Variants in ADD2 observed in about 807,000 individuals in gnomAD.
ADD2 encodes the protein beta-adducin.
Under a neutral mutation model 83.0 loss-of-function variants are expected in ADD2, and 23 were observed. The observed-to-expected ratio is 0.28, with a 90% confidence interval of 0.20 to 0.39. ADD2 has a LOEUF of 0.39. ADD2 is among the 10% of genes least tolerant of loss of function. The probability of loss-of-function intolerance (pLI) is 1.00; values close to 1 mark genes in which losing one functional copy is unlikely to be tolerated. For missense variants in ADD2, 758 were observed against 944.9 expected, an observed-to-expected ratio of 0.80 and a Z score of 2.59; for synonymous variants, 375 against 375.4, an observed-to-expected ratio of 1.00 and a Z score of 0.01.
intron 1 of ADD2, among the ~76,000 whole-genome samples, chr2:70,754,254 T>C (rs1198082437): frequency 6.6e-6 from 1 of 152,156 alleles, no homozygotes; most frequent in Non-Finnish European, 1.5e-5. Context: ...CCTTCCTGCT[T>C]GGAAACCAAT....
chr2:70,672,078 CT>C (rs1456160565), intron 15 of ADD2, among the ~76,000 whole-genome samples: 1 of 152,142 alleles, frequency 6.6e-6, no homozygotes, highest in Non-Finnish European at 1.5e-5. Flanking sequence ...TGCTTTTACT[CT>C]TTCAAAGTAT....
At chr2:70,755,258 G>A (rs1218743202) in intron 1 of ADD2, among the ~76,000 whole-genome samples, 2 of 151,956 alleles carry the variant, frequency 1.3e-5, no homozygotes, top group South Asian at 2.1e-4. Flanking sequence ...CTCCACTCTC[G>A]GCCAATGATG....
At chr2:70,736,145 G>A (rs148596941) in intron 1 of ADD2, among the ~76,000 whole-genome samples, 2,373 of 152,190 alleles carry the variant, frequency 0.016, 21 homozygotes, top group Middle Eastern at 0.061. Context: ...CAGAAAGGCT[G>A]AGAACAATCA....
chr2:70,755,180 G>C (rs901155396), intron 1 of ADD2, among the ~76,000 whole-genome samples: 1 of 152,068 alleles, frequency 6.6e-6, no homozygotes, highest in Non-Finnish European at 1.5e-5. Context: ...CCCTTCTCTC[G>C]AAGTACAGAC....
intron 1 of ADD2, among the ~76,000 whole-genome samples, chr2:70,715,382 G>A (rs1163378267): frequency 3.9e-5 from 6 of 152,172 alleles, no homozygotes; most frequent in East Asian, 3.8e-4. Context: ...TAGCACATGC[G>A]TTGAGAACCT....
At chr2:70,753,437 G>C (rs782600337) in intron 1 of ADD2, among the ~76,000 whole-genome samples, 3 of 152,150 alleles carry the variant, frequency 2.0e-5, no homozygotes, top group African/African-American at 4.8e-5. Context: ...AAGGAAGAAA[G>C]AGGTTGATGA....
At chr2:70,691,287 G>A (rs1054243891) in intron 7 of ADD2, among the ~76,000 whole-genome samples, 1 of 152,224 alleles carries the variant, frequency 6.6e-6, no homozygotes. Context: ...GGCAGGCTGT[G>A]GTGGAGTTTG....
At chr2:70,753,573 T>C (rs1666341877) in intron 1 of ADD2, among the ~76,000 whole-genome samples, 1 of 151,188 alleles carries the variant, frequency 6.6e-6, no homozygotes, top group African/African-American at 2.4e-5. Context: ...CAGAGCAGCA[T>C]GTCAGGGATG....
At position 70,663,447 on chromosome 2, in the gene ADD2, T is replaced by C; in HGVS notation, c.2159A>G (p.Lys720Arg). 6.2e-7 allele frequency: 1 copy of C among 1,613,586 alleles called. No individual in the cohort carries two copies. Among genetic ancestry groups the C allele is most frequent in the Non-Finnish European group, 8.5e-7 (1 of 1,179,862 alleles). The change falls in exon 16 of 16, where the codon AAG (lysine) becomes AGG (arginine). Residue 720 changes from lysine to arginine, a missense_variant. Physicochemically the swap from Lys to Arg is conservative, Grantham distance 26 (BLOSUM62 2). Coordinates refer to ENST00000264436, the MANE Select transcript of ADD2 (RefSeq NM_001617.4). ...GAATCAGGACTCCACTTTCTCCTTC[T>C]TTTTGCTCTTTTTCAGGAAGGAGGG... ...RTPSFLKKSK[K>R]KEKVES
chr2:70,734,176 T>C (rs531171832), intron 1 of ADD2, among the ~76,000 whole-genome samples: 2 of 152,118 alleles, frequency 1.3e-5, no homozygotes, highest in African/African-American at 4.8e-5. Flanking sequence ...ACAGGCCAGA[T>C]GAACAGACAC....
rs896472304 is a variant in ADD2, at chr2:70,676,989, C to T, written c.1504-104G>A. 2.1e-5 allele frequency: 32 copies of T among 1,499,136 alleles called. No individual in the cohort carries two copies. The highest frequency in any genetic ancestry group is 1.8e-4 in the Middle Eastern group (1 of 5,578). 92.9% of individuals were successfully genotyped at this position (1,499,136 alleles called of 1,614,324 possible). On this transcript the variant is annotated intron_variant, in intron 12 of 15. Transcript: ENST00000264436. The surrounding 1 kb of genome is among the most constrained non-coding windows in gnomAD (Gnocchi z 4.8). Reference sequence around the variant, plus strand: ...CCTGGGGTCTAGAAAGGTCCTCTAGCGGTGTGGGAGCCCGTCACCTATCCT... The same window carrying T: ...CCTGGGGTCTAGAAAGGTCCTCTAGTGGTGTGGGAGCCCGTCACCTATCCT...
At chr2:70,687,765 G>A (rs1406057611) in intron 9 of ADD2, among the ~76,000 whole-genome samples, 3 of 152,200 alleles carry the variant, frequency 2.0e-5, no homozygotes, top group African/African-American at 7.2e-5. Context: ...CAGCTCCCCA[G>A]ACTGGGCACT....
chr2:70,676,267 T>TC lies in ADD2; in HGVS notation c.1593+528dup. On this transcript the variant is annotated intron_variant, in intron 13 of 15. Transcript: ENST00000264436. This position sits in a 1 kb window ranked among gnomAD's most constrained non-coding sequence, Gnocchi z 4.8. Reference sequence around the variant, plus strand: ...AAGCACAAAAACAATTACAATACTTTCTAACTCAATGTGGGTTTGTGTGGG... The same window carrying TC: ...AAGCACAAAAACAATTACAATACTTTCCTAACTCAATGTGGGTTTGTGTGGG... 1.0e-6 allele frequency: 1 copy of TC among 991,882 alleles called. No homozygotes were observed. Among genetic ancestry groups the TC allele is most frequent in the South Asian group, 4.7e-5 (1 of 21,408 alleles). 61.4% of individuals were successfully genotyped at this position (991,882 alleles called of 1,614,324 possible). A position where few individuals can be genotyped will look rare whatever the true frequency, so the allele number is the denominator to read the frequency against.
chr2:70,675,000 TG>T (rs1670062512), intron 13 of ADD2, 175 bp from the exon 14 acceptor site: 4 of 1,340,610 alleles, frequency 3.0e-6, no homozygotes, highest in Non-Finnish European at 3.9e-6. Flanking sequence ...TCCTCCCCAT[TG>T]CTACCTTACC....
chr2:70,703,034 G>GA (rs1343097718), intron 4 of ADD2, among the ~76,000 whole-genome samples: 13 of 152,134 alleles, frequency 8.5e-5, no homozygotes, highest in Non-Finnish European at 1.9e-4. Context: ...GCTGAAGTGG[G>GA]AGGATTGCTT....
chr2:70,698,133 G>A (rs1553372995), intron 4 of ADD2, among the ~76,000 whole-genome samples: 1 of 152,234 alleles, frequency 6.6e-6, no homozygotes, highest in African/African-American at 2.4e-5. Context: ...CAGGGCCCCA[G>A]GCAAAGGTGG....
At chr2:70,735,216 G>A (rs1673475051) in intron 1 of ADD2, among the ~76,000 whole-genome samples, 1 of 151,832 alleles carries the variant, frequency 6.6e-6, no homozygotes, top group South Asian at 2.1e-4. Flanking sequence ...ACAGAGAAAA[G>A]AAGGGGAAAA....
intron 5 of ADD2, 61 bp downstream of exon 5, chr2:70,696,184 C>G: frequency 6.4e-7 from 1 of 1,572,212 alleles, no homozygotes; most frequent in South Asian, 1.2e-5. Flanking sequence ...CAGGAGTTCT[C>G]CCTTTGGGTT....
chr2:70,732,648 A>C (rs1673345118), intron 1 of ADD2, among the ~76,000 whole-genome samples: 1 of 152,150 alleles, frequency 6.6e-6, no homozygotes, highest in Non-Finnish European at 1.5e-5. Flanking sequence ...GTCTGTCTAG[A>C]GCCAGAGCAG....
Sources: allele counts gnomAD v4.1 joint callset (sites outside exome capture counted in the v4.1 genomes callset), GRCh38; gene constraint gnomAD v4.1.1; non-coding constraint Gnocchi (gnomAD v3.1); transcripts MANE v1.5; gene names NCBI Gene and HGNC (gene_info 2026-07-23, HGNC 2026-07-21).